Variants in REPS2 observed in about 807,000 individuals in gnomAD.
The protein encoded by REPS2 is RALBP1 associated Eps domain containing 2, also known as ralBP1-associated Eps domain-containing protein 2.
In REPS2, 23 loss-of-function variants were observed where a neutral mutation model predicts 53.6. That is an observed-to-expected ratio of 0.43 (90% CI 0.31 to 0.61). The LOEUF (loss-of-function observed/expected upper bound fraction) is 0.61. REPS2 is among the 20% of genes least tolerant of loss of function. The probability of loss-of-function intolerance (pLI) is 0.11; values close to 1 mark genes in which losing one functional copy is unlikely to be tolerated. For synonymous variants in REPS2, 238 were observed against 218.6 expected (o/e 1.09, Z -0.78); for missense variants, 446 against 534.9 (o/e 0.83, Z 1.64).
chrX:17,080,925 T>G (rs925554101), intron 13 of REPS2, among the ~76,000 whole-genome samples: 1 of 111,491 alleles, frequency 9.0e-6, no homozygotes, highest in Middle Eastern at 4.6e-3. Flanking sequence ...CTTGGGAATG[T>G]GAGGGTGGCC....
chrX:16,959,229 A>G (rs1401769952), intron 1 of REPS2, among the ~76,000 whole-genome samples: 1 of 112,053 alleles, frequency 8.9e-6, no homozygotes, highest in Non-Finnish European at 1.9e-5. Context: ...CCCCCCAGGT[A>G]GCTGGGACCA....
chrX:17,065,619 G>A (rs1199275226), intron 9 of REPS2, among the ~76,000 whole-genome samples: 1 of 111,312 alleles, frequency 9.0e-6, no homozygotes, highest in Non-Finnish European at 1.9e-5. Context: ...ACGGAATCTC[G>A]CTCTGTCACC....
intron 14 of REPS2, among the ~76,000 whole-genome samples, chrX:17,122,394 T>C (rs934800678): frequency 8.9e-6 from 1 of 112,632 alleles, no homozygotes. Flanking sequence ...CATTGCTGTA[T>C]AGTATTCCAT....
At chrX:16,985,342 A>G (rs1280503958) in intron 1 of REPS2, among the ~76,000 whole-genome samples, 1 of 111,940 alleles carries the variant, frequency 8.9e-6, no homozygotes, top group African/African-American at 3.2e-5. Context: ...TCACTTTTTA[A>G]CCACTGTTGT....
At chrX:17,139,985 G>GA (rs1407340847) in intron 17 of REPS2, among the ~76,000 whole-genome samples, 1 of 111,638 alleles carries the variant, frequency 9.0e-6, no homozygotes, top group Non-Finnish European at 1.9e-5. Flanking sequence ...GAGAGGACAT[G>GA]ATTCTACCCA....
chrX:17,024,809 T>C (rs2061622389), intron 3 of REPS2, among the ~76,000 whole-genome samples: 1 of 111,880 alleles, frequency 8.9e-6, no homozygotes, highest in Non-Finnish European at 1.9e-5. Context: ...ATTATTGGAA[T>C]AACCAAAAGT....
intron 1 of REPS2, among the ~76,000 whole-genome samples, chrX:16,954,805 C>CTTTTT (rs58924467): frequency 4.4e-4 from 26 of 59,331 alleles, no homozygotes; most frequent in Non-Finnish European, 6.5e-4. Flanking sequence ...TTATTTATAA[C>CTTTTT]TTTTTTTTTT....
the REPS2 span, among the ~76,000 whole-genome samples, chrX:17,176,077 C>G: frequency 8.9e-6 from 1 of 111,969 alleles, no homozygotes; most frequent in Non-Finnish European, 1.9e-5. Context: ...CTGCCCTAGG[C>G]TGCCAGAATC....
chrX:16,965,933 C>T (rs2147663519), intron 1 of REPS2, among the ~76,000 whole-genome samples: 1 of 112,778 alleles, frequency 8.9e-6, no homozygotes, highest in South Asian at 3.6e-4. Context: ...CACAGCGAAT[C>T]CCCATCTCCA....
intron 1 of REPS2, among the ~76,000 whole-genome samples, chrX:16,992,318 G>A (rs777511914): frequency 1.8e-5 from 2 of 111,553 alleles, no homozygotes; most frequent in African/African-American, 6.5e-5. Context: ...CTGGCACCTT[G>A]ATCTTAGACT....
chrX:17,032,298 G>A (rs914135820), intron 5 of REPS2, among the ~76,000 whole-genome samples: 4 of 112,063 alleles, frequency 3.6e-5, no homozygotes, highest in African/African-American at 1.3e-4. Flanking sequence ...GCAAAACTCT[G>A]TGTGACCTTG....
In REPS2 at chrX:17,062,524, C is replaced by T. The variant is rs374515858; in HGVS notation, c.1201C>T (p.Arg401Trp). ...PANQQPRDLNRMEKTSVKDMA... is the reference protein window; with the variant it reads ...PANQQPRDLNWMEKTSVKDMA... ...AAATCAACAACCTCGTGACTTGAAT[C>T]GGATGGAGGTAAAAGATCTTCATAT... The change falls in exon 9 of 18, where the codon CGG becomes TGG. Residue 401 changes from arginine (R) to tryptophan (W), a missense_variant. By Grantham distance (101) the Arg-to-Trp change is moderately radical. Transcript: ENST00000357277. 2.8e-5 allele frequency: 33 copies of T among 1,187,002 alleles called. No individual in the cohort carries two copies. The highest frequency in any genetic ancestry group is 9.0e-5 in the East Asian group (3 of 33,321).
At chrX:16,949,830 G>A (rs1235360453) in intron 1 of REPS2, among the ~76,000 whole-genome samples, 2 of 110,392 alleles carry the variant, frequency 1.8e-5, no homozygotes, top group African/African-American at 6.6e-5. Context: ...TACTCTCAAC[G>A]TCCCACATCA....
intron 14 of REPS2, among the ~76,000 whole-genome samples, chrX:17,118,542 C>T (rs892541822): frequency 1.8e-5 from 2 of 111,904 alleles, no homozygotes; most frequent in Non-Finnish European, 1.9e-5. Context: ...ACTTGGGCCT[C>T]GCAGTTGGTA....
intron 5 of REPS2, among the ~76,000 whole-genome samples, chrX:17,032,626 T>C (rs2061721868): frequency 1.8e-5 from 2 of 111,943 alleles, no homozygotes; most frequent in East Asian, 5.7e-4. Context: ...ATCCCCCTCA[T>C]GTTGTCACGT....
intron 1 of REPS2, among the ~76,000 whole-genome samples, chrX:16,949,967 C>G (rs763780705): frequency 2.0e-4 from 22 of 111,146 alleles, no homozygotes; most frequent in Admixed American, 1.9e-3. Flanking sequence ...AATGACGGTT[C>G]CACCATTGTA....
intron 14 of REPS2, among the ~76,000 whole-genome samples, chrX:17,128,622 G>A (rs73454479): frequency 9.0e-6 from 1 of 111,663 alleles, no homozygotes; most frequent in South Asian, 3.7e-4. Flanking sequence ...CCAGAGGTAC[G>A]AAAAAAATAT....
chrX:17,028,494 C>T (rs1201577034), intron 4 of REPS2, among the ~76,000 whole-genome samples: 1 of 112,057 alleles, frequency 8.9e-6, no homozygotes, highest in Non-Finnish European at 1.9e-5. Context: ...TGAAAATCTA[C>T]TTGATGGGTT....
chrX:17,020,472 G>A (rs1267698293), intron 2 of REPS2, among the ~76,000 whole-genome samples: 2 of 111,485 alleles, frequency 1.8e-5, no homozygotes, highest in Non-Finnish European at 3.8e-5. Flanking sequence ...TAAGAATCTA[G>A]AGTTTCTTTT....
Sources: gnomAD v4.1 joint callset for allele counts (sites outside exome capture counted in the v4.1 genomes callset) on GRCh38, gnomAD v4.1.1 for gene constraint, MANE v1.5 for transcripts, NCBI Gene and HGNC (gene_info 2026-07-23, HGNC 2026-07-21) for gene names.